TRIM59: variants seen among roughly 807,000 people sequenced by gnomAD.
The protein encoded by TRIM59 is tripartite motif-containing protein 59.
A neutral mutation model predicts 32.2 loss-of-function variants in TRIM59; 14 were observed. The ratio of observed to expected loss-of-function variants is 0.43; its 90% CI spans 0.29 to 0.68. The LOEUF (loss-of-function observed/expected upper bound fraction) is 0.68. Ranked by LOEUF, TRIM59 falls within the 30% of genes least tolerant of loss-of-function variation. TRIM59 has a pLI of 0.15. For missense variants in TRIM59, 471 were observed against 463.3 expected (o/e 1.02, Z -0.15); for synonymous variants, 163 against 155.1 (o/e 1.05, Z -0.38).
intron 2 of TRIM59, among the ~76,000 whole-genome samples, chr3:160,445,822 G>A (rs1485280476): frequency 6.6e-6 from 1 of 151,170 alleles, no homozygotes; most frequent in Non-Finnish European, 1.5e-5. Flanking sequence ...CCCAAGAGAT[G>A]GCTCTTTTTG....
In TRIM59 at chr3:160,436,535, A is replaced by AAATG. The variant is rs1242571323; in HGVS notation, c.*1436_*1437insCATT. ...GTTGTTGGGCCGGGCGTGGCGGCTC[A>AAATG]CGCCTATAATCCCAGCATTTTGGGA... On this transcript the variant is annotated 3_prime_UTR_variant, in exon 3 of 3. Transcript: ENST00000309784. The AAATG allele has an allele frequency of 1.8e-5, 18 of 985,518 alleles. No homozygotes were observed. The highest frequency in any genetic ancestry group is 7.2e-6 in the Non-Finnish European group (6 of 829,938). 61.0% of individuals were successfully genotyped at this position (985,518 alleles called of 1,614,324 possible). A position where few individuals can be genotyped will look rare whatever the true frequency, so the allele number is the denominator to read the frequency against.
In TRIM59 at chr3:160,436,056, T is replaced by A; in HGVS notation, c.*1916A>T. The A allele has an allele frequency of 8.5e-7, 1 of 1,177,900 alleles. No individual in the cohort carries two copies. The highest frequency in any genetic ancestry group is 1.1e-6 in the Non-Finnish European group (1 of 936,870). The allele number at this position is 1,177,900 out of a possible 1,614,324, so 73.0% of individuals were successfully genotyped here. ...CAGTGCAACTTAGTATTTTTATCTC[T>A]AGCTGAGTATGTGTCTCTCCTTACC... On this transcript the variant is annotated 3_prime_UTR_variant, in exon 3 of 3. Transcript: ENST00000309784.
intron 2 of TRIM59, among the ~76,000 whole-genome samples, chr3:160,443,244 G>T (rs185886351): frequency 7.2e-5 from 11 of 152,168 alleles, no homozygotes; most frequent in Non-Finnish European, 1.5e-4. Flanking sequence ...GGAAGAAAAA[G>T]AACAAAAAAT....
chr3:160,449,228 G>C (rs1053539445), intron 1 of TRIM59, among the ~76,000 whole-genome samples: 4 of 152,170 alleles, frequency 2.6e-5, no homozygotes, highest in Non-Finnish European at 5.9e-5. Context: ...TGTGGGACCT[G>C]GGTCAGTATT....
At chr3:160,447,202 T>C (rs1395334531) in intron 2 of TRIM59, among the ~76,000 whole-genome samples, 1 of 152,232 alleles carries the variant, frequency 6.6e-6, no homozygotes, top group Non-Finnish European at 1.5e-5. Context: ...GTCTTCCTTT[T>C]GCTAAATGAA....
rs1718912111 is a variant in TRIM59 at position 160,435,857 on chromosome 3, T to C, written c.*2115A>G. 1 of 889,798 alleles carries C rather than the reference T, an allele frequency of 1.1e-6. No individual in the cohort carries two copies. The highest frequency in any genetic ancestry group is 1.4e-5 in the South Asian group (1 of 72,766). The allele number at this position is 889,798 out of a possible 1,614,324, so 55.1% of individuals were successfully genotyped here. A position where few individuals can be genotyped will look rare whatever the true frequency, so the allele number is the denominator to read the frequency against. On this transcript the variant is annotated 3_prime_UTR_variant, in exon 3 of 3. Transcript: ENST00000309784. ...GAATGCATGGGTTTTCTCACAGCTA[T>C]ATGGCCTTGGACAAGTCACTTGTCA...
At chr3:160,441,009 G>C (rs574433607) in intron 2 of TRIM59, among the ~76,000 whole-genome samples, 5 of 152,334 alleles carry the variant, frequency 3.3e-5, no homozygotes, top group African/African-American at 1.2e-4. Context: ...TGTGAAAACA[G>C]CAACTAAAAG....
chr3:160,437,435 T>C lies in TRIM59; in HGVS notation c.*537A>G. On this transcript the variant is annotated 3_prime_UTR_variant, in exon 3 of 3. Coordinates refer to ENST00000309784, the MANE Select transcript of TRIM59 (RefSeq NM_173084.3). ...TATTTGGAGTGAATGGTGATAAGCA[T>C]TTAGGGCTCTTAAATCTATCTCAAA... 1.0e-6 allele frequency: 1 copy of C among 985,414 alleles called. No individual in the cohort carries two copies. Among genetic ancestry groups the C allele is most frequent in the African/African-American group, 1.7e-5 (1 of 57,362 alleles). 61.0% of individuals were successfully genotyped at this position (985,414 alleles called of 1,614,324 possible).
At chr3:160,441,697 T>G (rs913958893) in intron 2 of TRIM59, among the ~76,000 whole-genome samples, 2 of 139,502 alleles carry the variant, frequency 1.4e-5, no homozygotes. Context: ...GAGCTTGCAG[T>G]GAGCCAAGTT....
In TRIM59 at chr3:160,448,806, A is replaced by C. The variant is rs1719669871; in HGVS notation, c.-73-11T>G. On this transcript the variant is annotated splice_polypyrimidine_tract_variant and intron_variant, in intron 1 of 2. Transcript: ENST00000309784. ...TCTTTTATTCTTATTCTAAAATTAA[A>C]ATAATGTTATCTTTAATGTTTTCAA... 1 of 1,219,314 alleles carries C rather than the reference A, an allele frequency of 8.2e-7. No individual in the cohort carries two copies. The highest frequency in any genetic ancestry group is 5.7e-5 in the East Asian group (1 of 17,424). The allele number at this position is 1,219,314 out of a possible 1,614,324, so 75.5% of individuals were successfully genotyped here. A position where few individuals can be genotyped will look rare whatever the true frequency, so the allele number is the denominator to read the frequency against.
At position 160,439,004 on chromosome 3, in the gene TRIM59, T is replaced by C; in HGVS notation, c.180A>G (p.Arg60=). Residue 60 remains arginine, a synonymous_variant, in exon 3 of 3, where the codon AGA becomes AGG. Transcript: ENST00000309784. ...LRIPLKCPNC[R]SITEIAPTGI... ...CAGTTGGAGCAATTTCAGTAATACTTCTGCAATTAGGGCACTTGAGTGGAA... is the reference window on the plus strand; with the variant it reads ...CAGTTGGAGCAATTTCAGTAATACTCCTGCAATTAGGGCACTTGAGTGGAA... 1.2e-6 allele frequency: 2 copies of C among 1,613,560 alleles called. No individual in the cohort carries two copies. Among genetic ancestry groups the C allele is most frequent in the Non-Finnish European group, 1.7e-6 (2 of 1,179,654 alleles).
chr3:160,441,620 G>C (rs1411403368), intron 2 of TRIM59, among the ~76,000 whole-genome samples: 3 of 151,898 alleles, frequency 2.0e-5, no homozygotes, highest in African/African-American at 4.8e-5. Context: ...CAGGTGTGGT[G>C]GTGGGCGCCT....
rs764328922 is a variant in TRIM59, at chr3:160,438,816, AT to A, written c.367del (p.Ile123Ter). 1 of 1,614,040 alleles carries A rather than the reference AT, an allele frequency of 6.2e-7. No homozygotes were observed. On this transcript the variant is annotated frameshift_variant, in exon 3 of 3. Transcript: ENST00000309784. LOFTEE classifies it high-confidence loss of function. ...TATAGGATGACCATGATGTTGACCTATGGTAAGGCAATGACCACAAACTAAT... is the reference window on the plus strand; with the variant it reads ...TATAGGATGACCATGATGTTGACCTAGGTAAGGCAATGACCACAAACTAAT... ...KKLVCGHCLTIGQHHGHPIDD... is the reference protein window; with the variant it reads ...KKLVCGHCLTXGQHHGHPIDD...
At chr3:160,446,695 GCGCCCCCACCATGGTGGCGGGCAA>G (rs1719547356) in intron 2 of TRIM59, among the ~76,000 whole-genome samples, 1 of 152,148 alleles carries the variant, frequency 6.6e-6, no homozygotes, top group Non-Finnish European at 1.5e-5. Flanking sequence ...TACCCACCCT[GCGCCCCCACCATGGTGGCGGGCAA>G]GCCCACCTGA....
At position 160,439,042 on chromosome 3, in the gene TRIM59, T is replaced by TC; in HGVS notation, c.141dup (p.Arg48GlufsTer11). The TC allele has an allele frequency of 6.3e-7, 1 of 1,596,778 alleles. No homozygotes were observed. Among genetic ancestry groups the TC allele is most frequent in the Non-Finnish European group, 8.5e-7 (1 of 1,172,010 alleles). ...CACTTGAGTGGAATTCGTAAAGGTC[T>TC]CCATATATAAAAGTTACCAGATGCC... On this transcript the variant is annotated frameshift_variant, in exon 3 of 3. Transcript: ENST00000309784. LOFTEE classifies it high-confidence loss of function.
intron 2 of TRIM59, among the ~76,000 whole-genome samples, chr3:160,445,998 A>G (rs372183058): frequency 2.0e-5 from 3 of 152,158 alleles, no homozygotes; most frequent in East Asian, 3.9e-4. Flanking sequence ...TTGTAGAGAT[A>G]GGGTCTCACT....
chr3:160,449,571 A>G, intron 1 of TRIM59, 146 bp downstream of exon 1: 10 of 1,288,064 alleles, frequency 7.8e-6, no homozygotes, highest in Non-Finnish European at 1.0e-5. Flanking sequence ...ACAAGAGGGA[A>G]TGAGTGCAGG....
rs1382337685 is a variant in TRIM59, at chr3:160,448,749, G to C, written c.-27C>G. 7 of 1,280,504 alleles carry C rather than the reference G, an allele frequency of 5.5e-6. No homozygotes were observed. Among genetic ancestry groups the C allele is most frequent in the Non-Finnish European group, 7.1e-6 (7 of 984,654 alleles). 79.3% of individuals were successfully genotyped at this position (1,280,504 alleles called of 1,614,324 possible). Reference sequence around the variant, plus strand: ...ACTTTGTTGATCTCGTGGTTTGGGGGCTGAATACACTCTTCTCCAACTCCT... The same window carrying C: ...ACTTTGTTGATCTCGTGGTTTGGGGCCTGAATACACTCTTCTCCAACTCCT... On this transcript the variant is annotated 5_prime_UTR_variant, in exon 2 of 3. Coordinates refer to ENST00000309784, the MANE Select transcript of TRIM59 (RefSeq NM_173084.3).
rs1286873650 is a variant in TRIM59, at chr3:160,436,079, A to G, written c.*1893T>C. 6 of 1,148,872 alleles carry G rather than the reference A, an allele frequency of 5.2e-6. No homozygotes were observed. The East Asian group carries it at 3.3e-4, about 63-fold the overall frequency. The allele number at this position is 1,148,872 out of a possible 1,614,324, so 71.2% of individuals were successfully genotyped here. On this transcript the variant is annotated 3_prime_UTR_variant, in exon 3 of 3. Coordinates refer to ENST00000309784, the MANE Select transcript of TRIM59 (RefSeq NM_173084.3). ...TCTAGCTGAGTATGTGTCTCTCCTT[A>G]CCTCTACTATGCCCTTTAAATGTTC...
Sources: gnomAD v4.1 joint callset for allele counts (sites outside exome capture counted in the v4.1 genomes callset) on GRCh38, gnomAD v4.1.1 for gene constraint, MANE v1.5 for transcripts, NCBI Gene and HGNC (gene_info 2026-07-23, HGNC 2026-07-21) for gene names.